Variants in DLGAP1 observed in about 807,000 individuals in gnomAD.
DLGAP1 encodes the protein DLG associated protein 1.
Under a neutral mutation model 90.8 loss-of-function variants are expected in DLGAP1, and 11 were observed. That is an observed-to-expected ratio of 0.12 (90% CI 0.08 to 0.20). DLGAP1 has a LOEUF of 0.20. Ranked by LOEUF, DLGAP1 falls within the 10% of genes least tolerant of loss-of-function variation. DLGAP1 has a pLI of 1.00. For synonymous variants in DLGAP1, 558 were observed against 540.7 expected (o/e 1.03, Z -0.44); for missense variants, 1,050 against 1,333.8 (o/e 0.79, Z 3.31).
intron 2 of DLGAP1, among the ~76,000 whole-genome samples, chr18:4,063,440 T>C (rs1003321034): frequency 6.6e-6 from 1 of 152,088 alleles, no homozygotes; most frequent in Non-Finnish European, 1.5e-5. Flanking sequence ...TGAAGGAAAT[T>C]AAAATATTTT....
intron 8 of DLGAP1, among the ~76,000 whole-genome samples, chr18:3,569,769 T>G (rs2054657512): frequency 6.6e-6 from 1 of 152,026 alleles, no homozygotes; most frequent in Non-Finnish European, 1.5e-5. Flanking sequence ...TTATTTGAGA[T>G]GCCAGCTTTA....
chr18:3,734,255 CT>C (rs1260221027), intron 6 of DLGAP1, among the ~76,000 whole-genome samples: 4 of 151,984 alleles, frequency 2.6e-5, no homozygotes, highest in African/African-American at 9.7e-5. Context: ...CTCTCTTTCT[CT>C]CTCTCTCTCT....
At chr18:3,813,289 C>T (rs564637566) in intron 5 of DLGAP1, among the ~76,000 whole-genome samples, 17 of 152,210 alleles carry the variant, frequency 1.1e-4, no homozygotes, top group South Asian at 2.1e-4. Flanking sequence ...GTGTGAGAGT[C>T]GCCCACAGCA....
intron 1 of DLGAP1, among the ~76,000 whole-genome samples, chr18:4,413,125 T>C (rs1458503924): frequency 2.6e-5 from 4 of 152,114 alleles, no homozygotes; most frequent in Non-Finnish European, 4.4e-5. Flanking sequence ...GATGGAGATC[T>C]GGATCACTTT....
chr18:3,910,677 C>T (rs991245104), intron 3 of DLGAP1, among the ~76,000 whole-genome samples: 2 of 152,140 alleles, frequency 1.3e-5, no homozygotes, highest in African/African-American at 4.8e-5. Context: ...CTGCTAGTGC[C>T]TGCCTTTGCG....
chr18:4,387,253 T>G (rs1448875864), intron 1 of DLGAP1, among the ~76,000 whole-genome samples: 1 of 152,200 alleles, frequency 6.6e-6, no homozygotes, highest in Non-Finnish European at 1.5e-5. Flanking sequence ...ACAGCATTTT[T>G]CTAGATTCTT....
chr18:4,407,681 C>T (rs530925114), intron 1 of DLGAP1, among the ~76,000 whole-genome samples: 47 of 152,132 alleles, frequency 3.1e-4, no homozygotes, highest in Middle Eastern at 3.4e-3. Flanking sequence ...GAGTTCAAGA[C>T]CAGCCTGGCC....
At chr18:3,926,530 A>G (rs2072393438) in intron 3 of DLGAP1, among the ~76,000 whole-genome samples, 1 of 152,014 alleles carries the variant, frequency 6.6e-6, no homozygotes, top group Admixed American at 6.6e-5. Context: ...GCACATATAT[A>G]CATACATGCA....
In DLGAP1 at chr18:4,092,218, C is replaced by G. The variant is rs550350179; in HGVS notation, c.-159+58962G>C. Among the ~76,000 whole-genome samples, 16 of 152,288 alleles carry G rather than the reference C, an allele frequency of 1.1e-4. No individual in the cohort carries two copies. In the South Asian group the frequency reaches 3.3e-3, roughly 32 times the overall value. On this transcript the variant is annotated intron_variant, in intron 2 of 12. Coordinates refer to ENST00000315677, the MANE Select transcript of DLGAP1 (RefSeq NM_004746.4). The stretch of plus-strand genomic sequence containing the variant: ...TCAGCTTTCTGCTTTCTTTGAGTGT[C>G]TGCAACACACAGGGAGCTCTTCCTT...
intron 2 of DLGAP1, among the ~76,000 whole-genome samples, chr18:4,035,000 C>T (rs1159851654): frequency 6.6e-6 from 1 of 152,030 alleles, no homozygotes; most frequent in African/African-American, 2.4e-5. Context: ...CTGCAAAGAA[C>T]GTGAACTCAT....
chr18:3,878,909 A>C (rs1053051371), intron 4 of DLGAP1, among the ~76,000 whole-genome samples: 2 of 152,192 alleles, frequency 1.3e-5, no homozygotes, highest in African/African-American at 4.8e-5. Flanking sequence ...CTAGTGTCTT[A>C]AGATAACCCG....
At chr18:3,725,600 AT>A (rs1403901945) in intron 7 of DLGAP1, among the ~76,000 whole-genome samples, 4 of 152,124 alleles carry the variant, frequency 2.6e-5, no homozygotes, top group African/African-American at 7.2e-5. Context: ...CTCCTCTAAT[AT>A]TAATCTAATA....
chr18:3,703,161 T>G (rs2061333417), intron 7 of DLGAP1, among the ~76,000 whole-genome samples: 1 of 152,132 alleles, frequency 6.6e-6, no homozygotes, highest in African/African-American at 2.4e-5. Context: ...GAATTCCAAA[T>G]TCCAGAATCT....
chr18:3,612,000 T>C (rs1443812783), intron 7 of DLGAP1, among the ~76,000 whole-genome samples: 1 of 152,256 alleles, frequency 6.6e-6, no homozygotes, highest in Non-Finnish European at 1.5e-5. Flanking sequence ...TGTATCCACT[T>C]ACATTACTAA....
intron 1 of DLGAP1, among the ~76,000 whole-genome samples, chr18:4,306,113 T>C (rs2143363210): frequency 7.2e-6 from 1 of 138,390 alleles, no homozygotes; most frequent in African/African-American, 2.8e-5. Flanking sequence ...GGAGAGAAAT[T>C]AAATAACAGC....
At chr18:4,325,458 C>G (rs181892872) in intron 1 of DLGAP1, among the ~76,000 whole-genome samples, 1 of 152,232 alleles carries the variant, frequency 6.6e-6, no homozygotes, top group Admixed American at 6.5e-5. Flanking sequence ...AGATTCAATG[C>G]TATTCCTATC....
At chr18:3,897,938 G>T (rs996060007) in intron 3 of DLGAP1, among the ~76,000 whole-genome samples, 1 of 151,630 alleles carries the variant, frequency 6.6e-6, no homozygotes, top group Non-Finnish European at 1.5e-5. Context: ...GGGACTACAG[G>T]CGCCCGCCAC....
intron 2 of DLGAP1, among the ~76,000 whole-genome samples, chr18:4,099,097 C>T (rs1371468465): frequency 6.6e-6 from 1 of 152,190 alleles, no homozygotes; most frequent in Non-Finnish European, 1.5e-5. Flanking sequence ...CACCTCAAAA[C>T]TATCTTCTAG....
At chr18:4,088,827 A>G (rs941463794) in intron 2 of DLGAP1, among the ~76,000 whole-genome samples, 1 of 152,210 alleles carries the variant, frequency 6.6e-6, no homozygotes, top group African/African-American at 2.4e-5. Flanking sequence ...CATTTATGAC[A>G]AACCCACAGC....
Sources: allele counts gnomAD v4.1 joint callset (sites outside exome capture counted in the v4.1 genomes callset), GRCh38; gene constraint gnomAD v4.1.1; transcripts MANE v1.5; gene names NCBI Gene and HGNC (gene_info 2026-07-23, HGNC 2026-07-21).